The following RTL4 variants were observed in gnomAD, a reference collection of about 807,000 sequenced individuals.
The protein encoded by RTL4 is retrotransposon Gag like 4.
In RTL4, 4 loss-of-function variants were observed where a neutral mutation model predicts 5.3. The observed-to-expected ratio is 0.75, with a 90% CI of 0.37 to 1.72. The LOEUF is 1.72. Among genes scored for constraint, RTL4 ranks in the 40% most tolerant of loss-of-function variants. The pLI is 0.04. For synonymous variants in RTL4, 98 were observed against 87.3 expected (o/e 1.12, Z -0.68); for missense variants, 260 against 227.1 (o/e 1.14, Z -0.93).
the RTL4 span, among the ~76,000 whole-genome samples, chrX:112,108,354 T>A: frequency 8.9e-6 from 1 of 112,045 alleles, no homozygotes; most frequent in Admixed American, 9.5e-5. Context: ...TTTGGTGACG[T>A]CATGTTTCCA....
chrX:112,394,063 C>G, the RTL4 span, among the ~76,000 whole-genome samples: 1 of 111,268 alleles, frequency 9.0e-6, no homozygotes, highest in Non-Finnish European at 1.9e-5. Flanking sequence ...ATCTCCTGAC[C>G]TGAGAATTGC....
chrX:112,182,001 T>C, the RTL4 span, among the ~76,000 whole-genome samples: 9 of 111,695 alleles, frequency 8.1e-5, no homozygotes, highest in African/African-American at 2.9e-4. Context: ...CAGGAATCTT[T>C]GCTGTTCTAG....
the RTL4 span, among the ~76,000 whole-genome samples, chrX:112,403,276 G>A: frequency 8.9e-6 from 1 of 111,971 alleles, no homozygotes; most frequent in Non-Finnish European, 1.9e-5. Context: ...TGTTTGTTGT[G>A]CGTAGGAACC....
the RTL4 span, among the ~76,000 whole-genome samples, chrX:112,330,093 C>G: frequency 2.0e-5 from 2 of 98,252 alleles, no homozygotes; most frequent in Admixed American, 2.3e-4. Flanking sequence ...CCTTTGAAAA[C>G]TGGCACAAGA....
chrX:112,369,927 C>T, the RTL4 span, among the ~76,000 whole-genome samples: 1 of 111,989 alleles, frequency 8.9e-6, no homozygotes, highest in Non-Finnish European at 1.9e-5. Context: ...ACTCTGAGAT[C>T]AGAGACCTCC....
chrX:112,121,695 C>T, the RTL4 span, among the ~76,000 whole-genome samples: 1 of 111,288 alleles, frequency 9.0e-6, no homozygotes, highest in Non-Finnish European at 1.9e-5. Flanking sequence ...AAAATATTAA[C>T]AAATTGATTT....
At chrX:112,391,601 G>T in the RTL4 span, among the ~76,000 whole-genome samples, 2 of 108,179 alleles carry the variant, frequency 1.8e-5, no homozygotes, top group African/African-American at 6.8e-5. Flanking sequence ...TTTTGGTGTT[G>T]AAGCTTTGGG....
chrX:112,280,018 G>C, the RTL4 span, among the ~76,000 whole-genome samples: 2 of 111,502 alleles, frequency 1.8e-5, no homozygotes, highest in Non-Finnish European at 3.8e-5. Context: ...ATTTTGAAGA[G>C]ATGGAAAATG....
At chrX:112,390,584 G>GTTTTTT in the RTL4 span, among the ~76,000 whole-genome samples, 2 of 110,735 alleles carry the variant, frequency 1.8e-5, no homozygotes, top group African/African-American at 6.6e-5. Flanking sequence ...GAAATTTTCA[G>GTTTTTT]TTGAAGATTT....
the RTL4 span, among the ~76,000 whole-genome samples, chrX:112,390,542 C>G: frequency 1.8e-5 from 2 of 110,315 alleles, no homozygotes; most frequent in East Asian, 5.7e-4. Context: ...CTTATTTCTC[C>G]TTCATTTAGG....
chrX:112,083,128 TTC>T, the RTL4 span, among the ~76,000 whole-genome samples: 1 of 111,438 alleles, frequency 9.0e-6, no homozygotes, highest in African/African-American at 3.3e-5. Context: ...GTACGGAATT[TTC>T]TGTCTCGTTT....
chrX:112,191,947 T>C, the RTL4 span, among the ~76,000 whole-genome samples: 2 of 111,662 alleles, frequency 1.8e-5, no homozygotes, highest in African/African-American at 6.5e-5. Context: ...GTTTTTTGTG[T>C]CCAAGTCTTA....
At chrX:112,243,598 T>G in the RTL4 span, among the ~76,000 whole-genome samples, 1 of 111,743 alleles carries the variant, frequency 8.9e-6, no homozygotes, top group African/African-American at 3.3e-5. Context: ...TTCTTCTTTA[T>G]TAGTCTTGCT....
At chrX:112,306,927 GCACTTCCTGAC>G in the RTL4 span, among the ~76,000 whole-genome samples, 1 of 111,703 alleles carries the variant, frequency 9.0e-6, no homozygotes, top group Admixed American at 9.5e-5. Context: ...CTTGTCCTTA[GCACTTCCTGAC>G]CTCCTCTCAG....
At chrX:112,348,579 G>T in the RTL4 span, among the ~76,000 whole-genome samples, 1 of 110,369 alleles carries the variant, frequency 9.1e-6, no homozygotes, top group Non-Finnish European at 1.9e-5. Context: ...TGACTAGATT[G>T]TTGCCATCAG....
At chrX:112,356,678 T>C in the RTL4 span, among the ~76,000 whole-genome samples, 1 of 111,098 alleles carries the variant, frequency 9.0e-6, no homozygotes, top group African/African-American at 3.3e-5. Context: ...GCTTTCTCTA[T>C]TTACTCATGC....
the RTL4 span, among the ~76,000 whole-genome samples, chrX:112,323,395 TTTTATCA>T: frequency 4.3e-4 from 48 of 112,382 alleles, no homozygotes; most frequent in Non-Finnish European, 8.3e-4. Flanking sequence ...ACCTTGTGTC[TTTTATCA>T]GCATTACACA....
chrX:112,268,644 G>T, the RTL4 span, among the ~76,000 whole-genome samples: 305 of 111,618 alleles, frequency 2.7e-3, 2 homozygotes, highest in East Asian at 0.035. Flanking sequence ...ACTGGATAAA[G>T]AGGTGTTTTT....
the RTL4 span, among the ~76,000 whole-genome samples, chrX:112,120,377 T>C: frequency 0.024 from 2,667 of 111,535 alleles, 29 homozygotes; most frequent in Non-Finnish European, 0.031. Flanking sequence ...CCCAGGTTCA[T>C]GCCAATCTCC....
Sources: allele counts gnomAD v4.1 joint callset (sites outside exome capture counted in the v4.1 genomes callset), GRCh38; gene constraint gnomAD v4.1.1; transcripts MANE v1.5; gene names NCBI Gene and HGNC (gene_info 2026-07-23, HGNC 2026-07-21).